The following ASCC3 variants were observed in gnomAD, a reference collection of about 807,000 sequenced individuals.
ASCC3 encodes the protein activating signal cointegrator 1 complex subunit 3, also known as ASC-1 complex subunit P200.
In ASCC3, 158 loss-of-function variants were observed where a neutral mutation model predicts 256.3. That is an observed-to-expected ratio of 0.62 (90% CI 0.54 to 0.70). ASCC3 has a LOEUF of 0.70. Among genes scored for constraint, ASCC3 ranks in the 30% least tolerant of loss-of-function variants. The probability of loss-of-function intolerance (pLI) is 0.00; values close to 1 mark genes in which losing one functional copy is unlikely to be tolerated. For synonymous variants in ASCC3, 948 were observed against 883.4 expected (o/e 1.07, Z -1.30); for missense variants, 2,259 against 2,626.0 (o/e 0.86, Z 3.05).
chr6:100,642,553 T>C (rs776300855), intron 24 of ASCC3, 28 bp downstream of exon 24: 10 of 1,611,358 alleles, frequency 6.2e-6, no homozygotes, highest in Admixed American at 1.7e-5. Context: ...GAAAAATCAA[T>C]GATTCAAATC....
chr6:100,613,734 G>A (rs1164811614), intron 30 of ASCC3, among the ~76,000 whole-genome samples: 1 of 152,050 alleles, frequency 6.6e-6, no homozygotes, highest in African/African-American at 2.4e-5. Flanking sequence ...TCTATTTTTA[G>A]TTTTCTGAGA....
At chr6:100,542,753 T>C (rs1775525265) in intron 36 of ASCC3, among the ~76,000 whole-genome samples, 1 of 151,882 alleles carries the variant, frequency 6.6e-6, no homozygotes, top group African/African-American at 2.4e-5. Context: ...TGAAAATAAA[T>C]CTTTCAAAAG....
intron 30 of ASCC3, among the ~76,000 whole-genome samples, chr6:100,613,316 A>AT (rs1562167310): frequency 1.3e-5 from 2 of 151,952 alleles, no homozygotes; most frequent in Non-Finnish European, 2.9e-5. Context: ...TATAAATTAA[A>AT]TTTTTTTAAT....
intron 36 of ASCC3, among the ~76,000 whole-genome samples, chr6:100,570,016 T>G (rs1290545402): frequency 6.6e-6 from 1 of 152,174 alleles, no homozygotes; most frequent in Non-Finnish European, 1.5e-5. Context: ...TTAGATGTAT[T>G]CCCAGGTATT....
intron 13 of ASCC3, among the ~76,000 whole-genome samples, chr6:100,706,106 G>C (rs1238696377): frequency 6.6e-6 from 1 of 151,598 alleles, no homozygotes; most frequent in Non-Finnish European, 1.5e-5. Context: ...ATCTCAGAAT[G>C]ACATACACAT....
At chr6:100,731,117 A>C (rs1392698499) in intron 10 of ASCC3, among the ~76,000 whole-genome samples, 1 of 149,536 alleles carries the variant, frequency 6.7e-6, no homozygotes, top group Non-Finnish European at 1.5e-5. Context: ...TGACATTTAC[A>C]AAAAAAAAGG....
chr6:100,804,150 G>T (rs1770053790), intron 5 of ASCC3, among the ~76,000 whole-genome samples: 1 of 152,038 alleles, frequency 6.6e-6, no homozygotes, highest in Admixed American at 6.6e-5. Context: ...TAATTGTATT[G>T]TGCTTAGACA....
At chr6:100,597,076 T>C (rs560225006) in intron 34 of ASCC3, among the ~76,000 whole-genome samples, 2 of 152,324 alleles carry the variant, frequency 1.3e-5, no homozygotes, top group South Asian at 2.1e-4. Flanking sequence ...CTTACCTTTG[T>C]CAAGTTTTGG....
chr6:100,567,169 C>A (rs1770305866), intron 36 of ASCC3, among the ~76,000 whole-genome samples: 1 of 151,886 alleles, frequency 6.6e-6, no homozygotes. Flanking sequence ...GAAAAAAATT[C>A]TTTAAAATTC....
intron 22 of ASCC3, among the ~76,000 whole-genome samples, chr6:100,644,789 A>G (rs1028406678): frequency 6.6e-6 from 1 of 152,142 alleles, no homozygotes; most frequent in Non-Finnish European, 1.5e-5. Flanking sequence ...TACTGGCCCA[A>G]TTAGACTGAA....
intron 10 of ASCC3, among the ~76,000 whole-genome samples, chr6:100,740,192 T>C (rs1386592888): frequency 6.6e-6 from 1 of 152,158 alleles, no homozygotes; most frequent in Non-Finnish European, 1.5e-5. Context: ...ATTATTTAAC[T>C]AAGTTTCATT....
chr6:100,741,338 AG>A (rs1488113551), intron 10 of ASCC3, among the ~76,000 whole-genome samples: 1 of 151,974 alleles, frequency 6.6e-6, no homozygotes, highest in East Asian at 1.9e-4. Flanking sequence ...TCAGCCTTGG[AG>A]AATCTGATGA....
In ASCC3 at chr6:100,715,633, C is replaced by T. The variant is rs1779055175; in HGVS notation, c.2080-100G>A. 2.9e-5 allele frequency: 26 copies of T among 907,718 alleles called. No homozygotes were observed. The East Asian group carries it at 7.0e-4, about 24-fold the overall frequency. The allele number at this position is 907,718 out of a possible 1,614,324, so 56.2% of individuals were successfully genotyped here. ...AATTACAATGCATTTTTTAAGCTTT[C>T]AGGCTATCTAGAATGCAGAGGTATC... On this transcript the variant is annotated intron_variant, in intron 12 of 41. Coordinates refer to ENST00000369162, the MANE Select transcript of ASCC3 (RefSeq NM_006828.4).
intron 30 of ASCC3, among the ~76,000 whole-genome samples, chr6:100,618,047 T>G (rs1438905822): frequency 6.6e-6 from 1 of 152,212 alleles, no homozygotes; most frequent in African/African-American, 2.4e-5. Context: ...AAAATATAAC[T>G]TCTTCTTTTA....
Position 100,848,620 on chromosome 6 carries a change from T to C in ASCC3, c.329A>G (p.Lys110Arg). Reference protein sequence around the residue: ...TFHLKDSVGHKETKAIKQMFG... With the variant: ...TFHLKDSVGHRETKAIKQMFG... ...CATCTGTTTGATAGCCTTTGTTTCC[T>C]TGTGACCAACAGAGTCCTTCAAGTG... Residue 110 changes from lysine to arginine, a missense_variant, in exon 4 of 42, where the codon AAG becomes AGG. By Grantham distance (26) the Lys-to-Arg change is conservative. Transcript: ENST00000369162. The C allele has an allele frequency of 6.2e-7, 1 of 1,614,148 alleles. No homozygotes were observed. The highest frequency in any genetic ancestry group is 8.5e-7 in the Non-Finnish European group (1 of 1,180,030).
At chr6:100,657,059 A>G (rs561707541) in intron 16 of ASCC3, among the ~76,000 whole-genome samples, 1 of 151,458 alleles carries the variant, frequency 6.6e-6, no homozygotes, top group Admixed American at 6.6e-5. Context: ...CATGAAATAA[A>G]TATGTGGATG....
chr6:100,730,686 T>C (rs1468351502), intron 10 of ASCC3, among the ~76,000 whole-genome samples: 1 of 152,202 alleles, frequency 6.6e-6, no homozygotes, highest in Admixed American at 6.6e-5. Flanking sequence ...ATATAATTAG[T>C]TATACTAACC....
At chr6:100,645,221 T>C (rs370956816) in intron 22 of ASCC3, among the ~76,000 whole-genome samples, 48 of 152,268 alleles carry the variant, frequency 3.2e-4, no homozygotes, top group Middle Eastern at 3.4e-3. Context: ...ATTTCAAAAA[T>C]AGTCTATTAA....
chr6:100,562,175 A>G (rs1222224246), intron 36 of ASCC3, among the ~76,000 whole-genome samples: 1 of 152,116 alleles, frequency 6.6e-6, no homozygotes, highest in Non-Finnish European at 1.5e-5. Context: ...AGGAGAATAT[A>G]ATGTTAAAAT....
Sources: gnomAD v4.1 joint callset for allele counts (sites outside exome capture counted in the v4.1 genomes callset) on GRCh38, gnomAD v4.1.1 for gene constraint, MANE v1.5 for transcripts, NCBI Gene and HGNC (gene_info 2026-07-23, HGNC 2026-07-21) for gene names.